TSPAN9: variants seen among roughly 807,000 people sequenced by gnomAD.
TSPAN9 encodes tetraspanin 9, also known as tetraspanin-9.
Under a neutral mutation model 31.0 loss-of-function variants are expected in TSPAN9, and 16 were observed. The observed-to-expected ratio is 0.52, with a 90% CI of 0.35 to 0.78. TSPAN9 has a LOEUF of 0.78. TSPAN9 is among the 30% of genes least tolerant of loss of function. The pLI, the probability that TSPAN9 is intolerant of heterozygous loss-of-function variation, is 0.01. For missense variants in TSPAN9, 272 were observed against 312.5 expected (o/e 0.87, Z 0.98); for synonymous variants, 145 against 121.6 (o/e 1.19, Z -1.27).
At position 3,187,459 on chromosome 12, in the gene TSPAN9, C is replaced by T. The variant is rs1396420676; in HGVS notation, c.-17-13718C>T. Among the ~76,000 whole-genome samples the T allele has an allele frequency of 6.6e-6, 1 of 152,162 alleles. No individual in the cohort carries two copies. The highest frequency in any genetic ancestry group is 1.5e-5 in the Non-Finnish European group (1 of 68,038). On this transcript the variant is annotated intron_variant, in intron 2 of 8. Transcript: ENST00000011898. This position sits in a 1 kb window ranked among gnomAD's most constrained non-coding sequence, Gnocchi z 5.2. The stretch of plus-strand genomic sequence containing the variant: ...CATAAAAGCAGGGCCCAGCACTGGA[C>T]CCAGGTAAGGCCGCTTGGTGTAAGG...
intron 2 of TSPAN9, among the ~76,000 whole-genome samples, chr12:3,115,107 A>G (rs1214723098): frequency 7.0e-6 from 1 of 142,548 alleles, no homozygotes; most frequent in East Asian, 2.1e-4. Context: ...TGTCTGAGTC[A>G]ACCATTAATG....
At chr12:3,160,882 G>T (rs1400649780) in intron 2 of TSPAN9, among the ~76,000 whole-genome samples, 1 of 152,148 alleles carries the variant, frequency 6.6e-6, no homozygotes, top group African/African-American at 2.4e-5. Flanking sequence ...CTCATATTCT[G>T]TAGGTTTCAC....
intron 1 of TSPAN9, among the ~76,000 whole-genome samples, chr12:3,079,425 A>G (rs1036515237): frequency 1.6e-4 from 25 of 152,084 alleles, no homozygotes; most frequent in African/African-American, 6.0e-4. Flanking sequence ...TGTGCCATCT[A>G]TTCTGCCATC....
chr12:3,092,235 C>G (rs965508555), intron 2 of TSPAN9, among the ~76,000 whole-genome samples: 3 of 152,172 alleles, frequency 2.0e-5, no homozygotes, highest in Admixed American at 6.5e-5. Context: ...GTTCTCTGCT[C>G]AGGTCCCCAC....
intron 3 of TSPAN9, among the ~76,000 whole-genome samples, chr12:3,256,017 G>A (rs751168501): frequency 4.6e-5 from 7 of 152,138 alleles, no homozygotes; most frequent in Non-Finnish European, 8.8e-5. Context: ...CTGGTCACCC[G>A]CCTCTTGCAG....
At chr12:3,219,391 C>T (rs1348737423) in intron 3 of TSPAN9, among the ~76,000 whole-genome samples, 1 of 152,178 alleles carries the variant, frequency 6.6e-6, no homozygotes, top group Non-Finnish European at 1.5e-5. Flanking sequence ...TGTTGAGTGG[C>T]ACCTCCTGCG....
chr12:3,211,570 T>C, intron 3 of TSPAN9: 2 of 1,051,178 alleles, frequency 1.9e-6, no homozygotes, highest in South Asian at 2.9e-5. Context: ...AATTCATTCA[T>C]CATCTTAGGG....
At chr12:3,084,901 C>T (rs912056643) in intron 2 of TSPAN9, among the ~76,000 whole-genome samples, 3 of 152,228 alleles carry the variant, frequency 2.0e-5, no homozygotes, top group African/African-American at 7.2e-5. Context: ...CCAGGTCCCT[C>T]CCTGAGCCTG....
intron 2 of TSPAN9, among the ~76,000 whole-genome samples, chr12:3,130,673 T>C (rs926013846): frequency 6.6e-6 from 1 of 152,188 alleles, no homozygotes; most frequent in Non-Finnish European, 1.5e-5. Context: ...GAGATGGGGA[T>C]AATAATAGTA....
At chr12:3,103,408 C>T (rs945229189) in intron 2 of TSPAN9, among the ~76,000 whole-genome samples, 4 of 150,290 alleles carry the variant, frequency 2.7e-5, no homozygotes, top group Admixed American at 6.6e-5. Context: ...CTCACTTATG[C>T]TTTAGCTGAA....
At chr12:3,127,304 T>G (rs904702162) in intron 2 of TSPAN9, among the ~76,000 whole-genome samples, 1 of 152,054 alleles carries the variant, frequency 6.6e-6, no homozygotes, top group Non-Finnish European at 1.5e-5. Context: ...AACAGTGCCT[T>G]CTGGATACCT....
At chr12:3,278,062 C>T (rs1477940416) in intron 3 of TSPAN9, among the ~76,000 whole-genome samples, 2 of 152,246 alleles carry the variant, frequency 1.3e-5, no homozygotes, top group African/African-American at 2.4e-5. Flanking sequence ...ACTGGGGCCT[C>T]TTCTCTATCA....
intron 2 of TSPAN9, among the ~76,000 whole-genome samples, chr12:3,103,980 C>T (rs751407575): frequency 3.3e-5 from 5 of 152,048 alleles, no homozygotes; most frequent in East Asian, 1.9e-4. Flanking sequence ...GAGGATGAGG[C>T]GGGGTCAGGG....
chr12:3,138,442 C>T (rs534975530), intron 2 of TSPAN9, among the ~76,000 whole-genome samples: 26 of 151,764 alleles, frequency 1.7e-4, no homozygotes, highest in African/African-American at 5.5e-4. Flanking sequence ...CCTGTCTCCT[C>T]GCTGGGCTCT....
chr12:3,176,338 G>A (rs1043910494), intron 2 of TSPAN9, among the ~76,000 whole-genome samples: 3 of 152,296 alleles, frequency 2.0e-5, no homozygotes, highest in African/African-American at 7.2e-5. Context: ...AAAACTGAGC[G>A]TCCAAGAGAG....
chr12:3,222,784 C>G (rs1467252737), intron 3 of TSPAN9, among the ~76,000 whole-genome samples: 1 of 152,200 alleles, frequency 6.6e-6, no homozygotes, highest in Admixed American at 6.5e-5. Flanking sequence ...GGTCCTTGTT[C>G]TACCATGACT....
At chr12:3,260,318 T>G (rs1035918101) in intron 3 of TSPAN9, among the ~76,000 whole-genome samples, 1 of 152,256 alleles carries the variant, frequency 6.6e-6, no homozygotes, top group African/African-American at 2.4e-5. Context: ...TGTTGTCACA[T>G]GCCTTGGGGT....
intron 2 of TSPAN9, among the ~76,000 whole-genome samples, chr12:3,193,713 C>T (rs4765719): frequency 0.38 from 57,434 of 151,872 alleles, 11,494 homozygotes; most frequent in African/African-American, 0.52. Flanking sequence ...TGGAGCCCCT[C>T]CAAGAGGCCC....
rs1441766072 is a variant in TSPAN9 at position 3,283,368 on chromosome 12, G to GA, written c.*253dup. The GA allele has an allele frequency of 8.7e-6, 4 of 458,674 alleles. No homozygotes were observed. Among genetic ancestry groups the GA allele is most frequent in the African/African-American group, 8.1e-5 (4 of 49,384 alleles). 28.4% of individuals were successfully genotyped at this position (458,674 alleles called of 1,614,324 possible). On this transcript the variant is annotated 3_prime_UTR_variant, in exon 9 of 9. Coordinates refer to ENST00000011898, the MANE Select transcript of TSPAN9 (RefSeq NM_006675.5). ...CTGCATATGCGTATTTGCCAAAGACGACAGGGTGGGCTGGGGTGCGCTCCG... is the reference window on the plus strand; with the variant it reads ...CTGCATATGCGTATTTGCCAAAGACGAACAGGGTGGGCTGGGGTGCGCTCCG...
Sources: gnomAD v4.1 joint callset for allele counts (sites outside exome capture counted in the v4.1 genomes callset) on GRCh38, gnomAD v4.1.1 for gene constraint, Gnocchi (gnomAD v3.1) non-coding constraint, MANE v1.5 for transcripts, NCBI Gene and HGNC (gene_info 2026-07-23, HGNC 2026-07-21) for gene names.